Variants in RELN observed in about 807,000 individuals in gnomAD.
RELN encodes the protein reelin.
RELN carries 108 observed loss-of-function variants against 427.6 expected under a neutral mutation model. That is an observed-to-expected ratio of 0.25 (90% CI 0.22 to 0.30). The LOEUF is 0.30. Ranked by LOEUF, RELN falls within the 10% of genes least tolerant of loss-of-function variation. RELN has a pLI of 1.00. For missense variants in RELN, 3,715 were observed against 4,302.8 expected, an observed-to-expected ratio of 0.86 and a Z score of 3.82; for synonymous variants, 1,524 against 1,513.4, an observed-to-expected ratio of 1.01 and a Z score of -0.16.
intron 6 of RELN, among the ~76,000 whole-genome samples, chr7:103,745,155 A>C (rs1790784354): frequency 1.3e-5 from 2 of 152,138 alleles, no homozygotes; most frequent in African/African-American, 2.4e-5. Flanking sequence ...ACAGAACCAA[A>C]GACAAAAACC....
chr7:103,728,859 C>T (rs948787749), intron 6 of RELN, among the ~76,000 whole-genome samples: 1 of 152,084 alleles, frequency 6.6e-6, no homozygotes, highest in African/African-American at 2.4e-5. Flanking sequence ...GATATACACA[C>T]AAATTCTAAT....
chr7:103,919,880 G>A (rs1007099385), intron 1 of RELN, among the ~76,000 whole-genome samples: 1 of 152,170 alleles, frequency 6.6e-6, no homozygotes, highest in African/African-American at 2.4e-5. Flanking sequence ...TTTAAAAACT[G>A]AGGTTCACAC....
chr7:103,515,059 C>T (rs1262793367), intron 50 of RELN, 126 bp downstream of exon 50: 4 of 1,185,886 alleles, frequency 3.4e-6, no homozygotes, highest in Admixed American at 3.9e-5. Flanking sequence ...AGGATGACAC[C>T]CTTTTCAGCG....
intron 3 of RELN, among the ~76,000 whole-genome samples, chr7:103,804,816 G>A (rs1020501156): frequency 6.6e-6 from 1 of 152,036 alleles, no homozygotes; most frequent in Non-Finnish European, 1.5e-5. Flanking sequence ...AGTGAGGAGT[G>A]GCTTTTTGCA....
chr7:103,603,407 T>C lies in RELN; in HGVS notation c.3230A>G (p.Asn1077Ser). 6.2e-7 allele frequency: 1 copy of C among 1,613,826 alleles called. No individual in the cohort carries two copies. Residue 1077 changes from asparagine (N) to serine (S), a missense_variant, in exon 24 of 65, where the codon AAT (asparagine) becomes AGT (serine). By Grantham distance (46) the Asn-to-Ser change is conservative (BLOSUM62 1). This residue lies in a region of RELN where 2,208 missense variants were observed against 2,361.7 expected (regional missense o/e 0.93). Transcript: ENST00000428762. The surrounding 1 kb of genome is among the most constrained non-coding windows in gnomAD (Gnocchi z 4.3). ...STIMSDFENQ[N>S]GWESDWQEVI... Reference sequence around the variant, plus strand: ...TTCTTGCCAGTCAGACTCCCAGCCATTCTGGTTCTCAAAATCTGACATAAT... The same window carrying C: ...TTCTTGCCAGTCAGACTCCCAGCCACTCTGGTTCTCAAAATCTGACATAAT...
At chr7:103,685,422 G>GA (rs1352516292) in intron 10 of RELN, among the ~76,000 whole-genome samples, 1 of 152,014 alleles carries the variant, frequency 6.6e-6, no homozygotes, top group Non-Finnish European at 1.5e-5. Context: ...TGAGCATCAT[G>GA]AAAATCTACT....
intron 2 of RELN, among the ~76,000 whole-genome samples, chr7:103,838,918 T>C (rs1793481083): frequency 6.6e-6 from 1 of 152,242 alleles, no homozygotes; most frequent in Non-Finnish European, 1.5e-5. Flanking sequence ...CATTCTAGCA[T>C]AGTTCTCCCA....
intron 8 of RELN, among the ~76,000 whole-genome samples, chr7:103,710,433 C>G (rs573609165): frequency 1.1e-3 from 171 of 152,318 alleles, no homozygotes; most frequent in Non-Finnish European, 1.7e-3. Flanking sequence ...CTTCCAGGAA[C>G]TCCTACACCC....
intron 3 of RELN, among the ~76,000 whole-genome samples, chr7:103,821,884 T>C (rs975225840): frequency 6.6e-6 from 1 of 152,176 alleles, no homozygotes; most frequent in Non-Finnish European, 1.5e-5. Flanking sequence ...ATGCTCATGC[T>C]ATTCATAATC....
chr7:103,647,077 A>G (rs1832812831), intron 16 of RELN, among the ~76,000 whole-genome samples: 1 of 151,974 alleles, frequency 6.6e-6, no homozygotes, highest in Non-Finnish European at 1.5e-5. Flanking sequence ...TAAAGGCCGT[A>G]TATGACAAAC....
At position 103,700,957 on chromosome 7, in the gene RELN, T is replaced by C. The variant is rs749680856; in HGVS notation, c.855A>G (p.Leu285=). ...FSYSDPSIIV[L]YAKNNSADWI... is the part of the protein sequence containing the mutation. ...AGTCCGCAGAGTTATTCTTGGCATATAACACGATGATGCTGGGGTCTGAAT... is the reference window on the plus strand; with the variant it reads ...AGTCCGCAGAGTTATTCTTGGCATACAACACGATGATGCTGGGGTCTGAAT... Residue 285 remains leucine, a synonymous_variant, in exon 9 of 65, where the codon TTA becomes TTG. Coordinates refer to ENST00000428762, the MANE Select transcript of RELN (RefSeq NM_005045.4). The C allele has an allele frequency of 5.0e-6, 8 of 1,612,702 alleles. No homozygotes were observed. The Admixed American group carries it at 1.0e-4, about 20-fold the overall frequency.
chr7:103,757,133 C>A (rs894212314), intron 4 of RELN, among the ~76,000 whole-genome samples: 10 of 152,136 alleles, frequency 6.6e-5, no homozygotes, highest in African/African-American at 2.2e-4. Flanking sequence ...TGGATACTAC[C>A]TGCCTTGCCT....
At chr7:103,486,904 C>G (rs185824213) in intron 60 of RELN, among the ~76,000 whole-genome samples, 3 of 152,144 alleles carry the variant, frequency 2.0e-5, no homozygotes, top group Non-Finnish European at 2.9e-5. Context: ...TCCCATTACT[C>G]GGTATATACC....
chr7:103,621,770 C>T (rs946552605), intron 20 of RELN, among the ~76,000 whole-genome samples: 41 of 152,120 alleles, frequency 2.7e-4, no homozygotes, highest in Non-Finnish European at 5.1e-4. Flanking sequence ...GATCTGAGCA[C>T]TTTGGGAGGC....
At chr7:103,975,789 G>A (rs1003032004) in intron 1 of RELN, among the ~76,000 whole-genome samples, 3 of 147,318 alleles carry the variant, frequency 2.0e-5, no homozygotes, top group African/African-American at 7.6e-5. Flanking sequence ...CTCATGATCC[G>A]CCCACCTTGG....
At chr7:103,679,172 C>A (rs906744772) in intron 11 of RELN, among the ~76,000 whole-genome samples, 1 of 152,176 alleles carries the variant, frequency 6.6e-6, no homozygotes, top group South Asian at 2.1e-4. Flanking sequence ...CCAACACATA[C>A]AAGCACACAA....
At chr7:103,801,658 A>T (rs924168480) in intron 3 of RELN, among the ~76,000 whole-genome samples, 1 of 152,124 alleles carries the variant, frequency 6.6e-6, no homozygotes, top group Non-Finnish European at 1.5e-5. Context: ...GCAGCGGGCC[A>T]GCATGGCACA....
chr7:103,836,737 C>A (rs1421394810), intron 2 of RELN, among the ~76,000 whole-genome samples: 1 of 152,198 alleles, frequency 6.6e-6, no homozygotes, highest in Non-Finnish European at 1.5e-5. Flanking sequence ...CTTTTTCAAG[C>A]CTCTCCTGTC....
rs187318412 is a variant in RELN, at chr7:103,858,792, T to C, written c.338-25120A>G. ...CTCTAACAGCTTTCATTTTTCATTA[T>C]AGCAAATGTGGACAATGTGATACAA... is the stretch of plus-strand genomic sequence containing the variant. On this transcript the variant is annotated intron_variant, in intron 2 of 64. Coordinates refer to ENST00000428762, the MANE Select transcript of RELN (RefSeq NM_005045.4). Among the ~76,000 whole-genome samples the C allele has an allele frequency of 3.5e-3, 534 of 152,316 alleles. 4 individuals are homozygous for C. The highest frequency in any genetic ancestry group is 0.014 in the Middle Eastern group (4 of 294).
Sources: allele counts gnomAD v4.1 joint callset (sites outside exome capture counted in the v4.1 genomes callset), GRCh38; gene constraint gnomAD v4.1.1; regional missense constraint gnomAD v4.1.1; non-coding constraint Gnocchi (gnomAD v3.1); transcripts MANE v1.5; gene names NCBI Gene and HGNC (gene_info 2026-07-23, HGNC 2026-07-21).